The following PSAP variants were observed in gnomAD, a reference collection of about 807,000 sequenced individuals.
PSAP encodes prosaposin, also known as precursor of saposins.
PSAP carries 25 observed loss-of-function variants against 66.0 expected under a neutral mutation model. That is an observed-to-expected ratio of 0.38 (90% CI 0.28 to 0.53). The LOEUF (loss-of-function observed/expected upper bound fraction) is 0.53. Ranked by LOEUF, PSAP falls within the 20% of genes least tolerant of loss-of-function variation. The probability of loss-of-function intolerance (pLI) is 0.83; values close to 1 mark genes in which losing one functional copy is unlikely to be tolerated. For synonymous variants in PSAP, 273 were observed against 258.9 expected (o/e 1.05, Z -0.52); for missense variants, 649 against 668.8 (o/e 0.97, Z 0.33).
chr10:71,839,808 C>T (rs1842700139), intron 1 of PSAP, among the ~76,000 whole-genome samples: 1 of 152,268 alleles, frequency 6.6e-6, no homozygotes, highest in Non-Finnish European at 1.5e-5. Flanking sequence ...AAGCCGAGAT[C>T]ACGCCACTGC....
chr10:71,837,459 T>C (rs1032665111), intron 1 of PSAP, among the ~76,000 whole-genome samples: 1 of 152,200 alleles, frequency 6.6e-6, no homozygotes, highest in African/African-American at 2.4e-5. Flanking sequence ...TACACACACA[T>C]TTCTCCTAGC....
chr10:71,826,838 A>C (rs1842406279), intron 6 of PSAP, among the ~76,000 whole-genome samples: 1 of 152,138 alleles, frequency 6.6e-6, no homozygotes, highest in Admixed American at 6.5e-5. Flanking sequence ...AATTACAACC[A>C]GCTTCTCAGC....
intron 1 of PSAP, among the ~76,000 whole-genome samples, chr10:71,849,066 A>G (rs1842876879): frequency 6.6e-6 from 1 of 152,212 alleles, no homozygotes; most frequent in African/African-American, 2.4e-5. Flanking sequence ...GGGTCTTGTG[A>G]GGAGTGACTC....
In PSAP at chr10:71,831,207, C is replaced by CG. The variant is rs1564821009; in HGVS notation, c.293dup (p.Lys99GlufsTer24). 6.2e-7 allele frequency: 1 copy of CG among 1,614,046 alleles called. No individual in the cohort carries two copies. The highest frequency in any genetic ancestry group is 8.5e-7 in the Non-Finnish European group (1 of 1,179,970). On this transcript the variant is annotated frameshift_variant, in exon 4 of 14. Coordinates refer to ENST00000394936, the MANE Select transcript of PSAP (RefSeq NM_002778.4). LOFTEE classifies it high-confidence loss of function. ...TGCATGAAGCAGACATGTTCGGTTTCGGAAGCCAGTCACAGGTCTTCTCCA... is the reference window on the plus strand; with the variant it reads ...TGCATGAAGCAGACATGTTCGGTTTCGGGAAGCCAGTCACAGGTCTTCTCCA...
intron 2 of PSAP, among the ~76,000 whole-genome samples, chr10:71,832,907 C>T (rs1842546453): frequency 1.3e-5 from 2 of 151,676 alleles, no homozygotes; most frequent in Middle Eastern, 3.4e-3. Context: ...ATCCCAGCTA[C>T]TTGGCAGGCT....
chr10:71,831,806 G>T, intron 3 of PSAP, 40 bp downstream of exon 3: 1 of 1,585,004 alleles, frequency 6.3e-7, no homozygotes, highest in Non-Finnish European at 8.7e-7. Context: ...CAGTGCACGT[G>T]CCCGTGGCTC....
intron 1 of PSAP, among the ~76,000 whole-genome samples, chr10:71,839,833 G>A (rs1358445371): frequency 6.6e-6 from 1 of 152,080 alleles, no homozygotes; most frequent in Non-Finnish European, 1.5e-5. Context: ...CTGCCTGGGC[G>A]ACAGAGCGAG....
intron 1 of PSAP, 57 bp from the exon 2 acceptor site, chr10:71,834,562 T>G: frequency 6.3e-7 from 1 of 1,598,026 alleles, no homozygotes; most frequent in Non-Finnish European, 8.5e-7. Context: ...CAGGTCGACC[T>G]GACTTATTTC....
intron 6 of PSAP, among the ~76,000 whole-genome samples, 185 bp downstream of exon 6, chr10:71,827,829 T>G (rs1188235478): frequency 6.6e-6 from 1 of 152,184 alleles, no homozygotes; most frequent in East Asian, 1.9e-4. Flanking sequence ...AGTCTCCTAC[T>G]TTTTGTTCCC....
chr10:71,828,197 C>CA (rs764302376), intron 5 of PSAP, 40 bp from the exon 6 acceptor site: 2 of 1,612,542 alleles, frequency 1.2e-6, no homozygotes, highest in African/African-American at 2.7e-5. Context: ...TAAGAGGACT[C>CA]AAATTCCTAG....
chr10:71,827,394 G>A (rs576538248), intron 6 of PSAP, among the ~76,000 whole-genome samples: 12 of 123,864 alleles, frequency 9.7e-5, no homozygotes, highest in African/African-American at 3.2e-4. Flanking sequence ...GCGAGACTCC[G>A]TCTCAAAAAA....
chr10:71,819,235 G>A, intron 11 of PSAP, 124 bp from the exon 12 acceptor site: 6 of 1,064,022 alleles, frequency 5.6e-6, no homozygotes, highest in Non-Finnish European at 7.1e-6. Flanking sequence ...CAGCCCACTG[G>A]GTCCTGGGGC....
intron 1 of PSAP, among the ~76,000 whole-genome samples, chr10:71,836,890 A>G (rs1434985329): frequency 6.6e-6 from 1 of 152,190 alleles, no homozygotes. Context: ...GTTTTCCATG[A>G]TGACTTTGTT....
In PSAP at chr10:71,825,685, G is replaced by C; in HGVS notation, c.777+152C>G. 4.1e-6 allele frequency: 3 copies of C among 736,084 alleles called. 1 individual carries two copies. The highest frequency in any genetic ancestry group is 7.2e-6 in the Non-Finnish European group (3 of 414,658). The allele number at this position is 736,084 out of a possible 1,614,324, so 45.6% of individuals were successfully genotyped here. On this transcript the variant is annotated intron_variant, in intron 7 of 13. Coordinates refer to ENST00000394936, the MANE Select transcript of PSAP (RefSeq NM_002778.4). ...AGGGGAGGTACTGAGATTGCAAGTGGAGAGTCTCCTAGCCAGAGGGGTCGA... is the reference window on the plus strand; with the variant it reads ...AGGGGAGGTACTGAGATTGCAAGTGCAGAGTCTCCTAGCCAGAGGGGTCGA...
At position 71,844,382 on chromosome 10, in the gene PSAP, C is replaced by A. The variant is rs1410268609; in HGVS notation, c.40+6800G>T. 1.3e-5 allele frequency among the ~76,000 whole-genome samples: 2 copies of A among 152,214 alleles called. 1 individual carries two copies. Among genetic ancestry groups the A allele is most frequent in the East Asian group, 3.8e-4 (2 of 5,200 alleles). On this transcript the variant is annotated intron_variant, in intron 1 of 13. Coordinates refer to ENST00000394936, the MANE Select transcript of PSAP (RefSeq NM_002778.4). Reference sequence around the variant, plus strand: ...GTCTATCACTAGAACAGAAATGATACAGGCCAGGCTCAGTGGCTTATGCCT... The same window carrying A: ...GTCTATCACTAGAACAGAAATGATAAAGGCCAGGCTCAGTGGCTTATGCCT...
At chr10:71,832,398 T>C (rs552467037) in intron 2 of PSAP, among the ~76,000 whole-genome samples, 4 of 152,270 alleles carry the variant, frequency 2.6e-5, no homozygotes, top group Admixed American at 6.5e-5. Context: ...AATCTTCTGA[T>C]TGGCACCAAG....
chr10:71,836,043 G>A (rs192820150), intron 1 of PSAP, among the ~76,000 whole-genome samples: 5 of 152,100 alleles, frequency 3.3e-5, no homozygotes, highest in African/African-American at 1.2e-4. Context: ...CTCACACAAA[G>A]ACTGAGTCCC....
At chr10:71,841,735 G>A (rs1425654751) in intron 1 of PSAP, among the ~76,000 whole-genome samples, 1 of 152,182 alleles carries the variant, frequency 6.6e-6, no homozygotes, top group Non-Finnish European at 1.5e-5. Flanking sequence ...GCCAGGTGCA[G>A]TGGCTCACGC....
chr10:71,837,565 T>G (rs918687268), intron 1 of PSAP, among the ~76,000 whole-genome samples: 1 of 152,236 alleles, frequency 6.6e-6, no homozygotes, highest in Non-Finnish European at 1.5e-5. Context: ...ACAACCCAGC[T>G]GAAGGCATGG....
Sources: gnomAD v4.1 joint callset for allele counts (sites outside exome capture counted in the v4.1 genomes callset) on GRCh38, gnomAD v4.1.1 for gene constraint, MANE v1.5 for transcripts, NCBI Gene and HGNC (gene_info 2026-07-23, HGNC 2026-07-21) for gene names.